Variants in ERBB4 observed in about 807,000 individuals in gnomAD.
ERBB4 encodes the protein receptor tyrosine-protein kinase erbB-4.
In ERBB4, 42 loss-of-function variants were observed where a neutral mutation model predicts 158.0. The observed-to-expected ratio is 0.27, with a 90% CI of 0.21 to 0.34. The LOEUF (loss-of-function observed/expected upper bound fraction) is 0.34. Ranked by LOEUF, ERBB4 falls within the 10% of genes least tolerant of loss-of-function variation. The pLI is 1.00. For missense variants in ERBB4, 1,333 were observed against 1,624.1 expected, an observed-to-expected ratio of 0.82 and a Z score of 3.08; for synonymous variants, 583 against 558.7, an observed-to-expected ratio of 1.04 and a Z score of -0.61.
intron 16 of ERBB4, among the ~76,000 whole-genome samples, chr2:211,648,754 TA>T (rs1224138815): frequency 1.3e-5 from 2 of 151,766 alleles, no homozygotes; most frequent in Non-Finnish European, 3.0e-5. Flanking sequence ...CCCAATCCCA[TA>T]AATCCTACAG....
chr2:212,010,250 T>A (rs929051716), intron 2 of ERBB4, among the ~76,000 whole-genome samples: 1 of 152,196 alleles, frequency 6.6e-6, no homozygotes, highest in Non-Finnish European at 1.5e-5. Context: ...AAGGTATTAT[T>A]TACCTTTTAA....
intron 27 of ERBB4, among the ~76,000 whole-genome samples, chr2:211,384,301 C>A (rs774215472): frequency 3.3e-5 from 5 of 152,098 alleles, no homozygotes; most frequent in African/African-American, 1.2e-4. Flanking sequence ...TTTCTATCTC[C>A]TAAATTTTTC....
chr2:211,816,088 G>A (rs1459358945), intron 3 of ERBB4, among the ~76,000 whole-genome samples: 2 of 152,110 alleles, frequency 1.3e-5, no homozygotes, highest in Non-Finnish European at 1.5e-5. Context: ...CAGATGGCCT[G>A]TTGTGAGACT....
rs150184517 is a variant in ERBB4, at chr2:212,155,485, T to A, written c.83-30582A>T. ...GTATATGTTTAAAATATATATTCTC[T>A]GGCCCCGCCCCAGACCTTCTGAGTC... On this transcript the variant is annotated intron_variant, in intron 1 of 27. Transcript: ENST00000342788. 6.6e-3 allele frequency among the ~76,000 whole-genome samples: 1,006 copies of A among 152,206 alleles called. 7 individuals carry two copies. Among genetic ancestry groups the A allele is most frequent in the Middle Eastern group, 0.024 (7 of 294 alleles).
intron 2 of ERBB4, among the ~76,000 whole-genome samples, chr2:212,091,885 T>A (rs2078789535): frequency 6.6e-6 from 1 of 152,030 alleles, no homozygotes; most frequent in Admixed American, 6.6e-5. Flanking sequence ...AATTTATTAC[T>A]TTTTTTTATT....
At chr2:211,581,076 A>G (rs180939024) in intron 19 of ERBB4, among the ~76,000 whole-genome samples, 8 of 150,862 alleles carry the variant, frequency 5.3e-5, no homozygotes, top group African/African-American at 1.9e-4. Flanking sequence ...TGGGGATGCA[A>G]AGGCATAAGG....
At chr2:212,030,129 C>T (rs956337022) in intron 2 of ERBB4, among the ~76,000 whole-genome samples, 3 of 152,150 alleles carry the variant, frequency 2.0e-5, no homozygotes, top group African/African-American at 7.2e-5. Flanking sequence ...TTGATTTGCT[C>T]ATCATTTCAT....
At chr2:212,028,849 T>C (rs373172130) in intron 2 of ERBB4, among the ~76,000 whole-genome samples, 1 of 152,090 alleles carries the variant, frequency 6.6e-6, no homozygotes, top group African/African-American at 2.4e-5. Context: ...AATGTGAATT[T>C]TTATTGCAAA....
chr2:212,387,593 T>G (rs1454364211), intron 1 of ERBB4, among the ~76,000 whole-genome samples: 1 of 152,076 alleles, frequency 6.6e-6, no homozygotes, highest in South Asian at 2.1e-4. Flanking sequence ...AATTTTTGTA[T>G]TTTTAGTAGA....
At chr2:211,448,524 T>C (rs2064167934) in intron 20 of ERBB4, among the ~76,000 whole-genome samples, 1 of 151,214 alleles carries the variant, frequency 6.6e-6, no homozygotes, top group Admixed American at 6.6e-5. Flanking sequence ...ATACAGATTA[T>C]AAGAAATGAT....
At chr2:212,141,902 C>T (rs934930565) in intron 1 of ERBB4, among the ~76,000 whole-genome samples, 3 of 152,020 alleles carry the variant, frequency 2.0e-5, no homozygotes, top group Non-Finnish European at 4.4e-5. Context: ...GATCACTAAT[C>T]TTCTTTGCTC....
chr2:212,163,215 G>A (rs895028357), intron 1 of ERBB4, among the ~76,000 whole-genome samples: 4 of 151,880 alleles, frequency 2.6e-5, no homozygotes, highest in Non-Finnish European at 4.4e-5. Context: ...ATCTGTGTGT[G>A]TATGTATATA....
At chr2:211,502,232 C>T (rs1425610701) in intron 20 of ERBB4, among the ~76,000 whole-genome samples, 2 of 152,160 alleles carry the variant, frequency 1.3e-5, no homozygotes, top group Admixed American at 6.5e-5. Flanking sequence ...TTTGCATGTG[C>T]TCATAACATA....
At chr2:211,411,622 C>T (rs1005375049) in intron 25 of ERBB4, among the ~76,000 whole-genome samples, 2 of 152,104 alleles carry the variant, frequency 1.3e-5, no homozygotes, top group Non-Finnish European at 2.9e-5. Context: ...CAGCTCTGGG[C>T]AGTTTTGTGT....
chr2:212,123,920 A>G (rs1383174068), intron 2 of ERBB4, among the ~76,000 whole-genome samples: 1 of 152,214 alleles, frequency 6.6e-6, no homozygotes, highest in East Asian at 1.9e-4. Context: ...TGAAAACAAG[A>G]TCAAATGTAT....
intron 3 of ERBB4, among the ~76,000 whole-genome samples, chr2:211,916,558 G>A (rs1007870689): frequency 6.6e-6 from 1 of 152,104 alleles, no homozygotes; most frequent in African/African-American, 2.4e-5. Context: ...TGCAAGAAGT[G>A]TTAGAATATG....
intron 1 of ERBB4, among the ~76,000 whole-genome samples, chr2:212,391,643 A>ATATTATG (rs947611531): frequency 1.7e-5 from 1 of 58,106 alleles, no homozygotes; most frequent in African/African-American, 1.1e-4. Flanking sequence ...TTGACATATA[A>ATATTATG]TATTATATAT....
intron 1 of ERBB4, among the ~76,000 whole-genome samples, chr2:212,413,827 C>T (rs1256821101): frequency 6.6e-6 from 1 of 152,120 alleles, no homozygotes. Context: ...AATTATCTTC[C>T]ACTGATGATA....
intron 20 of ERBB4, among the ~76,000 whole-genome samples, chr2:211,455,170 T>C (rs1281966206): frequency 1.3e-5 from 2 of 152,232 alleles, no homozygotes; most frequent in East Asian, 3.8e-4. Flanking sequence ...TCTATTTCAA[T>C]AGAAAATGCT....
Sources: allele counts gnomAD v4.1 joint callset (sites outside exome capture counted in the v4.1 genomes callset), GRCh38; gene constraint gnomAD v4.1.1; transcripts MANE v1.5; gene names NCBI Gene and HGNC (gene_info 2026-07-23, HGNC 2026-07-21).